Variants in KIAA0408 observed in about 807,000 individuals in gnomAD.
The protein encoded by KIAA0408 is KIAA0408, also known as uncharacterized protein KIAA0408.
KIAA0408 carries 51 observed loss-of-function variants against 60.9 expected under a neutral mutation model. The ratio of observed to expected loss-of-function variants is 0.84; its 90% CI spans 0.67 to 1.06. The LOEUF is 1.06. Ranked by LOEUF, KIAA0408 falls within the 50% of genes least tolerant of loss-of-function variation. The probability of loss-of-function intolerance (pLI) is 0.00; values close to 1 mark genes in which losing one functional copy is unlikely to be tolerated. For synonymous variants in KIAA0408, 304 were observed against 282.4 expected, an observed-to-expected ratio of 1.08 and a Z score of -0.77; for missense variants, 787 against 833.9, an observed-to-expected ratio of 0.94 and a Z score of 0.69.
Position 127,447,548 on chromosome 6 carries a change from G to A in KIAA0408, c.771C>T (p.Ile257=). The A allele has an allele frequency of 8.1e-6, 13 of 1,610,976 alleles. No individual in the cohort carries two copies. Among genetic ancestry groups the A allele is most frequent in the African/African-American group, 2.7e-5 (2 of 74,650 alleles). ...NSTKKCGIDT[I]DLKRNETPPV... is the part of the protein sequence containing the mutation. ...GTGGAGTTTCATTTCTTTTTAAATC[G>A]ATTGTATCAATTCCACATTTTTTCG... Residue 257 remains isoleucine, a synonymous_variant, in exon 5 of 6, where the codon ATC becomes ATT. Transcript: ENST00000483725.
Position 127,444,128 on chromosome 6 carries a change from G to T in KIAA0408, c.2066C>A (p.Ser689Tyr). ...AAAGACTTAAACCATCAATGCTTCG[G>T]ATCGCAGAGAAATGGTATAGTTGTG... is the stretch of plus-strand genomic sequence containing the variant. ...TTHNYTISLR[S>Y]EALMV Residue 689 changes from serine to tyrosine, a missense_variant, in exon 6 of 6, where the codon TCC becomes TAC. Transcript: ENST00000483725. 1 of 1,613,964 alleles carries T rather than the reference G, an allele frequency of 6.2e-7. No individual in the cohort carries two copies. The highest frequency in any genetic ancestry group is 1.3e-5 in the African/African-American group (1 of 75,034).
intron 2 of KIAA0408, 96 bp downstream of exon 2, chr6:127,453,751 A>G: frequency 6.7e-7 from 1 of 1,487,982 alleles, no homozygotes; most frequent in Non-Finnish European, 9.0e-7. Context: ...TAGGTCGAAT[A>G]AGGAAATCAA....
In KIAA0408 at chr6:127,441,327, A is replaced by C. The variant is rs1225636814; in HGVS notation, c.*2782T>G. On this transcript the variant is annotated 3_prime_UTR_variant, in exon 6 of 6. Transcript: ENST00000483725. ...GTTATGGGTAATTTTTGATAAAATG[A>C]ATTATACAAAGCATCATTTATATTT... The C allele has an allele frequency of 1.3e-5, 2 of 152,606 alleles. No individual in the cohort carries two copies. The highest frequency in any genetic ancestry group is 2.9e-5 in the Non-Finnish European group (2 of 68,020). The allele number at this position is 152,606 out of a possible 1,614,324, so 9.5% of individuals were successfully genotyped here.
chr6:127,455,096 A>G (rs1773370044), intron 1 of KIAA0408, among the ~76,000 whole-genome samples: 1 of 152,114 alleles, frequency 6.6e-6, no homozygotes, highest in South Asian at 2.1e-4. Context: ...TTTTTGCTTT[A>G]CAAAATTTCA....
At position 127,454,102 on chromosome 6, in the gene KIAA0408, C is replaced by T. The variant is rs1773349857; in HGVS notation, c.-120-1G>A. 2 of 1,409,134 alleles carry T rather than the reference C, an allele frequency of 1.4e-6. No individual in the cohort carries two copies. The highest frequency in any genetic ancestry group is 2.8e-5 in the Admixed American group (1 of 36,028). The allele number at this position is 1,409,134 out of a possible 1,614,324, so 87.3% of individuals were successfully genotyped here. ...GTCTCACTTGCCTTTAAAATAAAGC[C>T]TAATATAAACATAACAAGAGAGAGT... is the stretch of plus-strand genomic sequence containing the variant. On this transcript the variant is annotated splice_acceptor_variant, in intron 1 of 5. Coordinates refer to ENST00000483725, the MANE Select transcript of KIAA0408 (RefSeq NM_014702.5). LOFTEE classifies it low-confidence loss of function (5UTR_SPLICE).
intron 4 of KIAA0408, among the ~76,000 whole-genome samples, chr6:127,448,317 G>A (rs1773240320): frequency 2.6e-5 from 4 of 152,042 alleles, no homozygotes; most frequent in Admixed American, 2.6e-4. Flanking sequence ...GAAGTAAAAG[G>A]CAAAAGGATT....
rs780000405 is a variant in KIAA0408 at position 127,447,648 on chromosome 6, G to C, written c.671C>G (p.Pro224Arg). Residue 224 changes from proline to arginine, a missense_variant, in exon 5 of 6, where the codon CCA becomes CGA. By Grantham distance (103) the Pro-to-Arg change is moderately radical. Transcript: ENST00000483725. ...PMINNDQCIL[P>R]ISLEKEKQKN... Reference sequence around the variant, plus strand: ...CTGTTTTTCTTTTTCTAAACTGATTGGAAGAATGCACTGGTCATTGTTGAT... The same window carrying C: ...CTGTTTTTCTTTTTCTAAACTGATTCGAAGAATGCACTGGTCATTGTTGAT... 7.4e-6 allele frequency: 12 copies of C among 1,611,770 alleles called. No homozygotes were observed. The highest frequency in any genetic ancestry group is 9.3e-6 in the Non-Finnish European group (11 of 1,179,318).
intron 1 of KIAA0408, among the ~76,000 whole-genome samples, chr6:127,457,914 C>G (rs1416774420): frequency 6.6e-6 from 1 of 152,218 alleles, no homozygotes; most frequent in Non-Finnish European, 1.5e-5. Flanking sequence ...TCCTTAGGGG[C>G]AGCTGCTCCA....
Position 127,444,015 on chromosome 6 carries a change from T to A in KIAA0408, c.*94A>T. On this transcript the variant is annotated 3_prime_UTR_variant, in exon 6 of 6. Coordinates refer to ENST00000483725, the MANE Select transcript of KIAA0408 (RefSeq NM_014702.5). Reference sequence around the variant, plus strand: ...GGAAAGTTAAGATTCAAATTGCTTGTCGGAAGAGAACAGGTCCGCCTGTAA... The same window carrying A: ...GGAAAGTTAAGATTCAAATTGCTTGACGGAAGAGAACAGGTCCGCCTGTAA... The A allele has an allele frequency of 9.1e-7, 1 of 1,095,926 alleles. No individual in the cohort carries two copies. The highest frequency in any genetic ancestry group is 1.6e-5 in the African/African-American group (1 of 62,582). The allele number at this position is 1,095,926 out of a possible 1,614,324, so 67.9% of individuals were successfully genotyped here. A position where few individuals can be genotyped will look rare whatever the true frequency, so the allele number is the denominator to read the frequency against.
At chr6:127,446,321 C>G in intron 5 of KIAA0408, 87 bp downstream of exon 5, 1 of 1,515,314 alleles carries the variant, frequency 6.6e-7, no homozygotes, top group South Asian at 1.3e-5. Flanking sequence ...TGCCCTCATT[C>G]TATTTATATG....
chr6:127,446,641 A>C lies in KIAA0408; in HGVS notation c.1678T>G (p.Tyr560Asp), dbSNP rs769423249. Residue 560 changes from tyrosine (Y) to aspartate (D), a missense_variant, in exon 5 of 6, where the codon TAT (tyrosine) becomes GAT (aspartate). By Grantham distance (160) the Tyr-to-Asp change is radical (BLOSUM62 -3). This residue lies in a region of KIAA0408 where 640 missense variants were observed against 681.3 expected (regional missense o/e 0.94). Coordinates refer to ENST00000483725, the MANE Select transcript of KIAA0408 (RefSeq NM_014702.5). ...RPRSADPRSNYGVVEKLLKTY... is the reference protein window; with the variant it reads ...RPRSADPRSNDGVVEKLLKTY... ...TTCAGCAGCTTTTCCACAACACCATAATTTGACCTGGGATCAGCTGACCTC... is the reference window on the plus strand; with the variant it reads ...TTCAGCAGCTTTTCCACAACACCATCATTTGACCTGGGATCAGCTGACCTC... The C allele has an allele frequency of 6.2e-7, 1 of 1,614,066 alleles. No homozygotes were observed. Among genetic ancestry groups the C allele is most frequent in the East Asian group, 2.2e-5 (1 of 44,868 alleles).
chr6:127,451,162 A>C (rs1452243532), intron 2 of KIAA0408: 1 of 382,788 alleles, frequency 2.6e-6, no homozygotes, highest in Non-Finnish European at 5.1e-6. Flanking sequence ...GTCAAACTTC[A>C]AAAGAGACTG....
Position 127,453,955 on chromosome 6 carries a change from G to T in KIAA0408, c.27C>A (p.Asn9Lys). The T allele has an allele frequency of 1.2e-6, 2 of 1,612,580 alleles. No individual in the cohort carries two copies. The highest frequency in any genetic ancestry group is 1.7e-6 in the Non-Finnish European group (2 of 1,179,074). The change falls in exon 2 of 6, where the codon AAC becomes AAA. Residue 9 changes from asparagine to lysine, a missense_variant. Asn to Lys is a moderately conservative substitution (Grantham distance 94). Coordinates refer to ENST00000483725, the MANE Select transcript of KIAA0408 (RefSeq NM_014702.5). The stretch of plus-strand genomic sequence containing the variant: ...TTTCCTTATGCCAGTTAGTCTCTGT[G>T]TTCTCCCACTGCTTATGTAGGTCCA... Reference protein sequence around the residue: MDLHKQWENTETNWHKEKM... With the variant: MDLHKQWEKTETNWHKEKM...
intron 2 of KIAA0408, chr6:127,450,666 C>T: frequency 9.3e-6 from 2 of 214,426 alleles, no homozygotes; most frequent in Non-Finnish European, 1.9e-5. Context: ...ATTAGAATGA[C>T]CTGAATCAAT....
rs759035186 is a variant in KIAA0408, at chr6:127,447,436, G to C, written c.883C>G (p.His295Asp). The C allele has an allele frequency of 2.4e-5, 38 of 1,613,802 alleles. No homozygotes were observed. The South Asian group carries it at 4.2e-4, about 18-fold the overall frequency. ...AYERWKERLD[H>D]NSWVPHEGRS... ...CCCTCATGGGGCACCCAGCTGTTGT[G>C]GTCTAACCTTTCCTTCCATCTTTCA... The change falls in exon 5 of 6, where the codon CAC becomes GAC. Residue 295 changes from histidine (H) to aspartate (D), a missense_variant. By Grantham distance (81) the His-to-Asp change is moderately conservative. Around this residue, in one of 3 missense-constraint regions of KIAA0408, gnomAD observed 640 missense variants for 681.3 expected, o/e 0.94. Transcript: ENST00000483725.
chr6:127,439,437 T>C lies in KIAA0408; in HGVS notation c.*4672A>G, dbSNP rs1773069512. The stretch of plus-strand genomic sequence containing the variant: ...AGCATAGGCATTAAAAGTGGAAATA[T>C]TTTGTTAAAGCCTTGTTCACAACTT... On this transcript the variant is annotated 3_prime_UTR_variant, in exon 6 of 6. Coordinates refer to ENST00000483725, the MANE Select transcript of KIAA0408 (RefSeq NM_014702.5). The C allele has an allele frequency of 6.6e-6, 1 of 152,172 alleles. No individual in the cohort carries two copies. Among genetic ancestry groups the C allele is most frequent in the East Asian group, 1.9e-4 (1 of 5,184 alleles). 9.4% of individuals were successfully genotyped at this position (152,172 alleles called of 1,614,324 possible). A position where few individuals can be genotyped will look rare whatever the true frequency, so the allele number is the denominator to read the frequency against.
At position 127,446,610 on chromosome 6, in the gene KIAA0408, T is replaced by C. The variant is rs779875574; in HGVS notation, c.1709A>G (p.Tyr570Cys). ...YGVVEKLLKT[Y>C]ETATESALQN... is the part of the protein sequence containing the mutation. ...CAATGCAGACTCTGTTGCTGTCTCA[T>C]AGGTTTTCAGCAGCTTTTCCACAAC... is the stretch of plus-strand genomic sequence containing the variant. Residue 570 changes from tyrosine (Y) to cysteine (C), a missense_variant, in exon 5 of 6, where the codon TAT becomes TGT. Tyr to Cys is a radical substitution (Grantham distance 194). Coordinates refer to ENST00000483725, the MANE Select transcript of KIAA0408 (RefSeq NM_014702.5). 9.9e-6 allele frequency: 16 copies of C among 1,614,002 alleles called. No individual in the cohort carries two copies. The highest frequency in any genetic ancestry group is 1.6e-4 in the Middle Eastern group (1 of 6,084).
In KIAA0408 at chr6:127,443,882, T is replaced by A; in HGVS notation, c.*227A>T. 2.0e-6 allele frequency: 1 copy of A among 505,576 alleles called. No individual in the cohort carries two copies. Among genetic ancestry groups the A allele is most frequent in the East Asian group, 3.6e-5 (1 of 27,762 alleles). 31.3% of individuals were successfully genotyped at this position (505,576 alleles called of 1,614,324 possible). The stretch of plus-strand genomic sequence containing the variant: ...ATACAATATTGTACATTGTTTCAAC[T>A]TATATTGTATTGGAAAACTAATGAG... On this transcript the variant is annotated 3_prime_UTR_variant, in exon 6 of 6. Transcript: ENST00000483725.
intron 5 of KIAA0408, 78 bp downstream of exon 5, chr6:127,446,330 T>C: frequency 6.6e-7 from 1 of 1,522,314 alleles, no homozygotes; most frequent in Non-Finnish European, 8.8e-7. Flanking sequence ...TCTATTTATA[T>C]GAATTGGACA....
Sources: gnomAD v4.1 joint callset for allele counts (sites outside exome capture counted in the v4.1 genomes callset) on GRCh38, gnomAD v4.1.1 for gene constraint, gnomAD v4.1.1 regional missense constraint, MANE v1.5 for transcripts, NCBI Gene and HGNC (gene_info 2026-07-23, HGNC 2026-07-21) for gene names.